Variants in CERS3 observed in about 807,000 individuals in gnomAD.
CERS3 encodes LAG1 homolog, ceramide synthase 3.
Under a neutral mutation model 50.3 loss-of-function variants are expected in CERS3, and 33 were observed. The ratio of observed to expected loss-of-function variants is 0.66; its 90% CI spans 0.50 to 0.88. CERS3 has a LOEUF of 0.88. Among genes scored for constraint, CERS3 ranks in the 40% least tolerant of loss-of-function variants. The pLI is 0.00. For missense variants in CERS3, 470 were observed against 460.3 expected (o/e 1.02, Z -0.19); for synonymous variants, 176 against 155.2 (o/e 1.13, Z -0.99).
At chr15:100,431,695 A>C (rs2033142522) in intron 11 of CERS3, among the ~76,000 whole-genome samples, 1 of 151,464 alleles carries the variant, frequency 6.6e-6, no homozygotes, top group African/African-American at 2.4e-5. Context: ...ATCTCAGCCT[A>C]GGATGCAAAT....
intron 7 of CERS3, among the ~76,000 whole-genome samples, chr15:100,479,112 A>AT (rs1043166574): frequency 6.6e-6 from 1 of 152,040 alleles, no homozygotes; most frequent in Non-Finnish European, 1.5e-5. Flanking sequence ...AAAGAATAGT[A>AT]TTTTTTTTAA....
intron 11 of CERS3, among the ~76,000 whole-genome samples, chr15:100,446,122 C>T (rs906375004): frequency 2.6e-5 from 4 of 152,176 alleles, no homozygotes; most frequent in South Asian, 2.1e-4. Flanking sequence ...GGACTCAGCC[C>T]GCCTGCACCC....
intron 11 of CERS3, among the ~76,000 whole-genome samples, chr15:100,442,371 T>A (rs2033718143): frequency 3.3e-5 from 5 of 152,218 alleles, no homozygotes; most frequent in Non-Finnish European, 7.3e-5. Context: ...CAGGATTTAA[T>A]TAACCTCGCC....
upstream of CERS3, among the ~76,000 whole-genome samples, chr15:100,532,312 G>T (rs2036956631): frequency 6.6e-6 from 1 of 152,174 alleles, no homozygotes. Context: ...TCCCTTCCAA[G>T]AAACTTAACA....
rs574578846 is a variant in CERS3, at chr15:100,406,509, C to T, written c.1000-3644G>A. On this transcript the variant is annotated intron_variant, in intron 11 of 11. Coordinates refer to ENST00000679737, the MANE Select transcript of CERS3 (RefSeq NM_001378789.1). ...ATCACAGAAATTCAACTTCATGGGGCTCATCTCTGTATGTTCGGTGCTTTT... is the reference window on the plus strand; with the variant it reads ...ATCACAGAAATTCAACTTCATGGGGTTCATCTCTGTATGTTCGGTGCTTTT... 4.6e-5 allele frequency among the ~76,000 whole-genome samples: 7 copies of T among 152,316 alleles called. No individual in the cohort carries two copies. The South Asian group carries it at 1.5e-3, about 32-fold the overall frequency.
At chr15:100,404,638 T>C (rs1176576334) in intron 11 of CERS3, among the ~76,000 whole-genome samples, 1 of 152,170 alleles carries the variant, frequency 6.6e-6, no homozygotes, top group Admixed American at 6.5e-5. Context: ...AAAATTTATA[T>C]GGAGAGGCAA....
chr15:100,480,321 T>C (rs1567649675), intron 5 of CERS3, among the ~76,000 whole-genome samples: 2 of 152,150 alleles, frequency 1.3e-5, no homozygotes, highest in African/African-American at 2.4e-5. Flanking sequence ...AGGTCTAGCA[T>C]AAAGTAAGCA....
chr15:100,532,124 C>T (rs2036952347), upstream of CERS3, among the ~76,000 whole-genome samples: 2 of 152,188 alleles, frequency 1.3e-5, no homozygotes, highest in Non-Finnish European at 2.9e-5. Flanking sequence ...CAGCAAGACA[C>T]AGTGCCAAAA....
In CERS3 at chr15:100,425,138, G is replaced by A. The variant is rs570841300; in HGVS notation, c.1000-22273C>T. On this transcript the variant is annotated intron_variant, in intron 11 of 11. Coordinates refer to ENST00000679737, the MANE Select transcript of CERS3 (RefSeq NM_001378789.1). The stretch of plus-strand genomic sequence containing the variant: ...GGCAGAAATCTGCCGAAGGGGTGGA[G>A]CACTCATGAAGAACCTCCACTAAGG... Among the ~76,000 whole-genome samples, 78 of 152,346 alleles carry A rather than the reference G, an allele frequency of 5.1e-4. 1 individual carries two copies. The highest frequency in any genetic ancestry group is 1.8e-3 in the African/African-American group (73 of 41,584).
At chr15:100,525,185 G>A (rs555481334) in intron 1 of CERS3, among the ~76,000 whole-genome samples, 2 of 152,250 alleles carry the variant, frequency 1.3e-5, no homozygotes, top group Non-Finnish European at 2.9e-5. Flanking sequence ...ACAGATTTGG[G>A]AATTTTGGTT....
intron 11 of CERS3, among the ~76,000 whole-genome samples, chr15:100,408,039 T>C (rs989686225): frequency 5.3e-5 from 8 of 151,996 alleles, no homozygotes; most frequent in African/African-American, 7.2e-5. Flanking sequence ...GCCTGGCTAA[T>C]GTTTATATTT....
chr15:100,534,615 T>C (rs755325883), intron 1 of CERS3, among the ~76,000 whole-genome samples: 2 of 151,364 alleles, frequency 1.3e-5, no homozygotes, highest in East Asian at 2.0e-4. Context: ...CTGCGATAAA[T>C]GCACATCTGA....
intron 11 of CERS3, among the ~76,000 whole-genome samples, chr15:100,411,886 T>A (rs2031519585): frequency 6.6e-6 from 1 of 152,226 alleles, no homozygotes; most frequent in African/African-American, 2.4e-5. Flanking sequence ...TTCATGTGCT[T>A]ATTGGCCATT....
rs60405735 is a variant in CERS3 at position 100,501,716 on chromosome 15, T to C, written c.134A>G (p.Tyr45Cys). Residue 45 changes from tyrosine to cysteine, a missense_variant, in exon 3 of 12, where the codon TAT becomes TGT. Tyr to Cys is a radical substitution (Grantham distance 194). Coordinates refer to ENST00000679737, the MANE Select transcript of CERS3 (RefSeq NM_001378789.1). ...KPSHLYVTIP[Y>C]AFLLLIIRRV... is the part of the protein sequence containing the mutation. ...TCTGATAATCAGCAAGAGAAAAGCA[T>C]ATGGAATTGTCACGTATAAATGAGA... 107,674 of 1,613,550 alleles carry C rather than the reference T, an allele frequency of 0.067. 5,286 individuals carry two copies. Among genetic ancestry groups the C allele is most frequent in the African/African-American group, 0.24 (18,059 of 74,944 alleles).
chr15:100,432,587 T>C (rs2033189048), intron 11 of CERS3, among the ~76,000 whole-genome samples: 1 of 152,146 alleles, frequency 6.6e-6, no homozygotes, highest in South Asian at 2.1e-4. Context: ...ACCTGCTTGA[T>C]TTTGTATGAG....
At chr15:100,428,563 T>C (rs544951509) in intron 11 of CERS3, among the ~76,000 whole-genome samples, 2 of 152,328 alleles carry the variant, frequency 1.3e-5, no homozygotes, top group Admixed American at 1.3e-4. Context: ...TAGTGGCACC[T>C]CCCACTTGTG....
chr15:100,443,617 C>T (rs953360019), intron 11 of CERS3, among the ~76,000 whole-genome samples: 3 of 147,570 alleles, frequency 2.0e-5, no homozygotes, highest in African/African-American at 7.5e-5. Flanking sequence ...ACCCTGACAC[C>T]CATCAGGCTC....
At chr15:100,536,220 A>G (rs1425252277) in intron 1 of CERS3, among the ~76,000 whole-genome samples, 1 of 152,202 alleles carries the variant, frequency 6.6e-6, no homozygotes. Flanking sequence ...ACCACAGAGA[A>G]GATTGACTCT....
At chr15:100,454,105 T>A (rs1363586092) in intron 11 of CERS3, among the ~76,000 whole-genome samples, 1 of 152,146 alleles carries the variant, frequency 6.6e-6, no homozygotes, top group Non-Finnish European at 1.5e-5. Context: ...AAGATAGCAA[T>A]GTTGGCCAGG....
Sources: gnomAD v4.1 joint callset for allele counts (sites outside exome capture counted in the v4.1 genomes callset) on GRCh38, gnomAD v4.1.1 for gene constraint, MANE v1.5 for transcripts, NCBI Gene and HGNC (gene_info 2026-07-23, HGNC 2026-07-21) for gene names.